The following ZNF483 variants were observed in gnomAD, a reference collection of about 807,000 sequenced individuals.
ZNF483 encodes zinc finger protein HIT-10.
ZNF483 carries 9 observed loss-of-function variants against 28.6 expected under a neutral mutation model. The ratio of observed to expected loss-of-function variants is 0.32; its 90% CI spans 0.19 to 0.55. ZNF483 has a LOEUF of 0.55. Ranked by LOEUF, ZNF483 falls within the 20% of genes least tolerant of loss-of-function variation. The pLI, the probability that ZNF483 is intolerant of heterozygous loss-of-function variation, is 0.93. For missense variants in ZNF483, 675 were observed against 871.7 expected, an observed-to-expected ratio of 0.77 and a Z score of 2.84; for synonymous variants, 322 against 306.2, an observed-to-expected ratio of 1.05 and a Z score of -0.54.
At chr9:111,536,816 A>G (rs184051200) in intron 5 of ZNF483, among the ~76,000 whole-genome samples, 1 of 152,254 alleles carries the variant, frequency 6.6e-6, no homozygotes, top group African/African-American at 2.4e-5. Context: ...ACATAAACAT[A>G]ATTACATATG....
At chr9:111,575,934 A>C (rs1040370551) in intron 5 of ZNF483, among the ~76,000 whole-genome samples, 1 of 152,104 alleles carries the variant, frequency 6.6e-6, no homozygotes, top group African/African-American at 2.4e-5. Context: ...TGCTTCAAAG[A>C]ATACCATCAA....
rs989240634 is a variant in ZNF483 at position 111,550,605 on chromosome 9, C to G, written c.*7435C>G. On this transcript the variant is annotated 3_prime_UTR_variant, in exon 6 of 6. Coordinates refer to ENST00000309235, the MANE Select transcript of ZNF483 (RefSeq NM_133464.5). ...GCTCCCAAAATAATCACTTTAGGAACTTTCTGCCGATGTAATTATTATCTA... is the reference window on the plus strand; with the variant it reads ...GCTCCCAAAATAATCACTTTAGGAAGTTTCTGCCGATGTAATTATTATCTA... Among the ~76,000 whole-genome samples the G allele has an allele frequency of 1.4e-4, 22 of 152,152 alleles. No homozygotes were observed. The highest frequency in any genetic ancestry group is 5.1e-4 in the African/African-American group (21 of 41,444).
At chr9:111,536,440 G>T (rs1480626184) in intron 5 of ZNF483, among the ~76,000 whole-genome samples, 1 of 152,002 alleles carries the variant, frequency 6.6e-6, no homozygotes, top group Non-Finnish European at 1.5e-5. Flanking sequence ...CAGGAGAATC[G>T]CTTGAACCTG....
Position 111,542,344 on chromosome 9 carries a change from A to G in ZNF483, c.1409A>G (p.Asn470Ser), listed in dbSNP as rs1195770642. Residue 470 changes from asparagine to serine, a missense_variant, in exon 6 of 6, where the codon AAT becomes AGT. By Grantham distance (46) the Asn-to-Ser change is conservative. Around this residue, in one of 6 missense-constraint regions of ZNF483, gnomAD observed 525 missense variants for 581.8 expected, o/e 0.90. Coordinates refer to ENST00000309235, the MANE Select transcript of ZNF483 (RefSeq NM_133464.5). The surrounding 1 kb of genome is among the most constrained non-coding windows in gnomAD (Gnocchi z 6.2). ...ACTGGAGAAAAACCCTATATGTGTAATGAATGTGGAAAAGCTTTTAGTGAT... is the reference window on the plus strand; with the variant it reads ...ACTGGAGAAAAACCCTATATGTGTAGTGAATGTGGAAAAGCTTTTAGTGAT... ...IHTGEKPYMCNECGKAFSDSS... is the reference protein window; with the variant it reads ...IHTGEKPYMCSECGKAFSDSS... The G allele has an allele frequency of 4.3e-6, 7 of 1,614,120 alleles. No homozygotes were observed. Among genetic ancestry groups the G allele is most frequent in the Non-Finnish European group, 1.7e-6 (2 of 1,180,020 alleles).
chr9:111,531,077 C>A, intron 3 of ZNF483, 114 bp downstream of exon 3: 1 of 312,966 alleles, frequency 3.2e-6, no homozygotes, highest in Non-Finnish European at 5.9e-6. Context: ...ACCTGTAATC[C>A]CAGCACTTTG....
chr9:111,534,120 G>T, intron 4 of ZNF483, 141 bp from the exon 5 acceptor site: 1 of 808,338 alleles, frequency 1.2e-6, no homozygotes, highest in Non-Finnish European at 2.0e-6. Flanking sequence ...TCCCATTTTT[G>T]TCTCAAGTTC....
intron 5 of ZNF483, among the ~76,000 whole-genome samples, chr9:111,535,581 G>C (rs1827472905): frequency 6.6e-6 from 1 of 152,198 alleles, no homozygotes. Context: ...GTCTTGCTCT[G>C]TCACCAGGCT....
rs1405276407 is a variant in ZNF483 at position 111,541,398 on chromosome 9, T to A, written c.722-259T>A. 2.7e-5 allele frequency among the ~76,000 whole-genome samples: 4 copies of A among 148,264 alleles called. No individual in the cohort carries two copies. The East Asian group carries it at 7.7e-4, about 29-fold the overall frequency. On this transcript the variant is annotated intron_variant, in intron 5 of 5. Coordinates refer to ENST00000309235, the MANE Select transcript of ZNF483 (RefSeq NM_133464.5). The stretch of plus-strand genomic sequence containing the variant: ...GCCACCGTGCCCATCCTAAACCTCT[T>A]AAAAAAATTCAAAATGAGGGTGAGA...
chr9:111,561,201 C>G (rs949411821), intron 5 of ZNF483, among the ~76,000 whole-genome samples: 4 of 138,630 alleles, frequency 2.9e-5, no homozygotes, highest in African/African-American at 1.1e-4. Flanking sequence ...TTCTTCCTGT[C>G]CAAGAGTATG....
In ZNF483 at chr9:111,542,335, A is replaced by C. The variant is rs761454702; in HGVS notation, c.1400A>C (p.Tyr467Ser). 1 of 1,614,160 alleles carries C rather than the reference A, an allele frequency of 6.2e-7. No individual in the cohort carries two copies. Among genetic ancestry groups the C allele is most frequent in the East Asian group, 2.2e-5 (1 of 44,884 alleles). ...HRRIHTGEKPYMCNECGKAFS... is the reference protein window; with the variant it reads ...HRRIHTGEKPSMCNECGKAFS... ...AGAATTCACACTGGAGAAAAACCCT[A>C]TATGTGTAATGAATGTGGAAAAGCT... The change falls in exon 6 of 6, where the codon TAT becomes TCT. Residue 467 changes from tyrosine (Y) to serine (S), a missense_variant. Around this residue, in one of 6 missense-constraint regions of ZNF483, gnomAD observed 525 missense variants for 581.8 expected, o/e 0.90. Coordinates refer to ENST00000309235, the MANE Select transcript of ZNF483 (RefSeq NM_133464.5). This position sits in a 1 kb window ranked among gnomAD's most constrained non-coding sequence, Gnocchi z 6.2.
chr9:111,575,787 A>G (rs934593417), intron 5 of ZNF483, among the ~76,000 whole-genome samples: 3 of 152,234 alleles, frequency 2.0e-5, no homozygotes, highest in Non-Finnish European at 4.4e-5. Flanking sequence ...CTAAAACTAT[A>G]AAACTCTTAG....
In ZNF483 at chr9:111,544,337, GGTGTGTGTGCATGT is replaced by G; in HGVS notation, c.*1177_*1190del. ...AAAAGCTGTTATAACAATTTGCTTGGGTGTGTGTGCATGTGTGTGTGTGTGTGTGTGTGTGTATA... is the reference window on the plus strand; with the variant it reads ...AAAAGCTGTTATAACAATTTGCTTGGGTGTGTGTGTGTGTGTGTGTGTATA... On this transcript the variant is annotated 3_prime_UTR_variant, in exon 6 of 6. Coordinates refer to ENST00000309235, the MANE Select transcript of ZNF483 (RefSeq NM_133464.5). 1.0e-6 allele frequency: 1 copy of G among 972,008 alleles called. No homozygotes were observed. Among genetic ancestry groups the G allele is most frequent in the Non-Finnish European group, 1.2e-6 (1 of 827,440 alleles). The allele number at this position is 972,008 out of a possible 1,614,324, so 60.2% of individuals were successfully genotyped here.
rs1417593883 is a variant in ZNF483 at position 111,544,761 on chromosome 9, G to A, written c.*1591G>A. ...GGAATGGAATATACGGGTATTGGTG[G>A]ATTATTCCTTATAAATTTCATTGGT... On this transcript the variant is annotated 3_prime_UTR_variant, in exon 6 of 6. Transcript: ENST00000309235. Among the ~76,000 whole-genome samples, 1 of 152,104 alleles carries A rather than the reference G, an allele frequency of 6.6e-6. No individual in the cohort carries two copies. The highest frequency in any genetic ancestry group is 2.4e-5 in the African/African-American group (1 of 41,430).
intron 5 of ZNF483, chr9:111,564,122 T>A (rs1376831279): frequency 2.3e-5 from 9 of 383,390 alleles, no homozygotes; most frequent in Non-Finnish European, 3.4e-5. Flanking sequence ...ATTTTCAGAT[T>A]TTTTTAAGGG....
chr9:111,526,422 C>T (rs1827188034), intron 1 of ZNF483, among the ~76,000 whole-genome samples: 1 of 151,914 alleles, frequency 6.6e-6, no homozygotes, highest in Non-Finnish European at 1.5e-5. Flanking sequence ...GACTGTAAGC[C>T]GGGGAGTGAT....
intron 5 of ZNF483, among the ~76,000 whole-genome samples, chr9:111,567,268 A>G (rs1349175482): frequency 6.6e-6 from 1 of 151,978 alleles, no homozygotes; most frequent in Non-Finnish European, 1.5e-5. Flanking sequence ...ACTCACTGCA[A>G]CCTCCGCCTC....
intron 5 of ZNF483, among the ~76,000 whole-genome samples, chr9:111,535,732 A>T (rs143086542): frequency 0.018 from 2,718 of 147,890 alleles, 88 homozygotes; most frequent in African/African-American, 0.065. Flanking sequence ...TTTTTAGTAG[A>T]GGCGGGGTTT....
At chr9:111,539,129 A>C (rs961007612) in intron 5 of ZNF483, among the ~76,000 whole-genome samples, 9 of 150,708 alleles carry the variant, frequency 6.0e-5, no homozygotes, top group Non-Finnish European at 1.2e-4. Flanking sequence ...AAAAAAAAAA[A>C]AAAAAAAAAC....
At chr9:111,530,798 TATACATATATATATATAA>T (rs1323566504) in intron 2 of ZNF483, 59 bp from the exon 3 acceptor site, 274 of 55,044 alleles carry the variant, frequency 5.0e-3, no homozygotes, top group East Asian at 0.014. Flanking sequence ...TATATATATA[TATACATATATATATATAA>T]GATTTTTAGT....
Sources: gnomAD v4.1 joint callset for allele counts (sites outside exome capture counted in the v4.1 genomes callset) on GRCh38, gnomAD v4.1.1 for gene constraint, gnomAD v4.1.1 regional missense constraint, Gnocchi (gnomAD v3.1) non-coding constraint, MANE v1.5 for transcripts, NCBI Gene and HGNC (gene_info 2026-07-23, HGNC 2026-07-21) for gene names.